The following PCDH15 variants were observed in gnomAD, a reference collection of about 807,000 sequenced individuals.
PCDH15 encodes protocadherin-15.
PCDH15 carries 129 observed loss-of-function variants against 178.5 expected under a neutral mutation model. That is an observed-to-expected ratio of 0.72 (90% confidence interval 0.63 to 0.84). The LOEUF is 0.84. Among genes scored for constraint, PCDH15 ranks in the 40% least tolerant of loss-of-function variants. The pLI is 0.00. For synonymous variants in PCDH15, 800 were observed against 732.0 expected, an observed-to-expected ratio of 1.09 and a Z score of -1.50; for missense variants, 2,230 against 2,099.9, an observed-to-expected ratio of 1.06 and a Z score of -1.21.
At chr10:54,745,198 C>A (rs1374072137) in intron 1 of PCDH15, among the ~76,000 whole-genome samples, 1 of 152,018 alleles carries the variant, frequency 6.6e-6, no homozygotes, top group Non-Finnish European at 1.5e-5. Flanking sequence ...AAATTAAATT[C>A]TTCTTCCAAA....
intron 3 of PCDH15, among the ~76,000 whole-genome samples, chr10:54,436,006 G>A (rs1565269963): frequency 1.5e-4 from 17 of 116,064 alleles, no homozygotes; most frequent in African/African-American, 7.2e-4. Flanking sequence ...GAAAAGAAGA[G>A]GAGAGGAGAG....
rs536353053 is a variant in PCDH15 at position 54,391,893 on chromosome 10, A to T, written c.158-12951T>A. Among the ~76,000 whole-genome samples the T allele has an allele frequency of 2.0e-5, 3 of 152,290 alleles. No individual in the cohort carries two copies. The East Asian group carries it at 5.8e-4, about 30-fold the overall frequency. Reference sequence around the variant, plus strand: ...CTTCTGAATTGGTCTTGTCAAGAGAATCTCAATCAACAATGGGATATAGAT... The same window carrying T: ...CTTCTGAATTGGTCTTGTCAAGAGATTCTCAATCAACAATGGGATATAGAT... On this transcript the variant is annotated intron_variant, in intron 3 of 37. Transcript: ENST00000644397.
chr10:54,458,282 C>T (rs556678041), intron 3 of PCDH15, among the ~76,000 whole-genome samples: 4 of 149,402 alleles, frequency 2.7e-5, no homozygotes, highest in Admixed American at 6.6e-5. Flanking sequence ...TTCACACTAC[C>T]GTAAGAATTA....
At chr10:54,374,731 T>C (rs1333464557) in intron 4 of PCDH15, among the ~76,000 whole-genome samples, 1 of 152,042 alleles carries the variant, frequency 6.6e-6, no homozygotes, top group Non-Finnish European at 1.5e-5. Flanking sequence ...TAAAAATAAA[T>C]GATGACCATA....
chr10:55,265,168 A>C (rs1007395399), intron 1 of PCDH15, among the ~76,000 whole-genome samples: 1 of 152,034 alleles, frequency 6.6e-6, no homozygotes, highest in African/African-American at 2.4e-5. Flanking sequence ...ACAGATGCCC[A>C]GTAAATTTGG....
intron 1 of PCDH15, among the ~76,000 whole-genome samples, chr10:54,717,485 A>T (rs1175438046): frequency 6.8e-6 from 1 of 146,680 alleles, no homozygotes; most frequent in African/African-American, 2.6e-5. Flanking sequence ...GAAGATATTT[A>T]TGCAGCCAAA....
At chr10:54,329,354 A>T (rs1344307809) in intron 7 of PCDH15, among the ~76,000 whole-genome samples, 1 of 151,884 alleles carries the variant, frequency 6.6e-6, no homozygotes, top group Non-Finnish European at 1.5e-5. Flanking sequence ...GTATAGTCTA[A>T]AAAGGTTGGA....
At chr10:54,291,857 G>A (rs577371929) in intron 8 of PCDH15, among the ~76,000 whole-genome samples, 3 of 152,170 alleles carry the variant, frequency 2.0e-5, no homozygotes, top group Admixed American at 6.5e-5. Flanking sequence ...AAGGTCCAGG[G>A]CCAGACGGAT....
chr10:55,501,347 T>C (rs1840652048), intron 2 of PCDH15, among the ~76,000 whole-genome samples: 1 of 151,864 alleles, frequency 6.6e-6, no homozygotes, highest in East Asian at 2.0e-4. Context: ...CCACCGAATT[T>C]ATATTAATTT....
At chr10:54,151,690 G>A (rs532744686) in intron 14 of PCDH15, among the ~76,000 whole-genome samples, 130 of 152,250 alleles carry the variant, frequency 8.5e-4, no homozygotes, top group African/African-American at 3.0e-3. Context: ...AAATGCAAAT[G>A]CAAAATGTTC....
intron 15 of PCDH15, among the ~76,000 whole-genome samples, chr10:54,091,580 G>C (rs2094601222): frequency 3.3e-5 from 5 of 152,138 alleles, no homozygotes; most frequent in Admixed American, 3.3e-4. Flanking sequence ...AAAAACTACA[G>C]AATCAAGGGA....
Position 54,931,335 on chromosome 10 carries a change from A to G in PCDH15, c.-79-33835T>C, listed in dbSNP as rs376264203. On this transcript the variant is annotated intron_variant, in intron 2 of 5. Transcript: ENST00000458638. ...AGTAACGTTTGAAACATCTACTAAA[A>G]CTCAAATATGAAGTTAACCTCTATA... is the stretch of plus-strand genomic sequence containing the variant. 2.3e-4 allele frequency among the ~76,000 whole-genome samples: 35 copies of G among 152,278 alleles called. No homozygotes were observed. In the South Asian group the frequency reaches 6.8e-3, roughly 30 times the overall value.
chr10:55,385,798 T>A (rs957979496), intron 2 of PCDH15, among the ~76,000 whole-genome samples: 2 of 148,414 alleles, frequency 1.3e-5, no homozygotes, highest in African/African-American at 5.0e-5. Context: ...TCTCTGTATA[T>A]AGATATGCAT....
intron 1 of PCDH15, among the ~76,000 whole-genome samples, chr10:54,763,232 C>A (rs756725106): frequency 6.6e-6 from 1 of 152,060 alleles, no homozygotes; most frequent in Non-Finnish European, 1.5e-5. Flanking sequence ...TCCCAGCAAA[C>A]CTTTACAATA....
At chr10:55,169,476 A>T (rs1839275641) in intron 1 of PCDH15, among the ~76,000 whole-genome samples, 1 of 152,190 alleles carries the variant, frequency 6.6e-6, no homozygotes, top group Non-Finnish European at 1.5e-5. Context: ...TAAATGTGCA[A>T]CAGCAGAAAG....
intron 8 of PCDH15, among the ~76,000 whole-genome samples, chr10:54,281,857 T>C (rs953542728): frequency 6.6e-6 from 1 of 152,042 alleles, no homozygotes; most frequent in Non-Finnish European, 1.5e-5. Flanking sequence ...ACTATCAGGC[T>C]GTTAATTTGA....
intron 1 of PCDH15, among the ~76,000 whole-genome samples, chr10:55,248,223 T>C (rs1467745554): frequency 1.3e-5 from 2 of 151,910 alleles, no homozygotes; most frequent in African/African-American, 4.8e-5. Flanking sequence ...CACAAATATG[T>C]ATACATGTAT....
intron 2 of PCDH15, among the ~76,000 whole-genome samples, chr10:55,483,529 T>C (rs1840229771): frequency 6.6e-6 from 1 of 151,744 alleles, no homozygotes; most frequent in African/African-American, 2.4e-5. Context: ...ACATTGTTGG[T>C]GGGAGTGTAA....
intron 2 of PCDH15, among the ~76,000 whole-genome samples, chr10:55,506,600 G>A (rs1265218643): frequency 6.6e-6 from 1 of 151,452 alleles, no homozygotes; most frequent in Non-Finnish European, 1.5e-5. Flanking sequence ...AACTAGAAGA[G>A]GTATCGAGGA....
Sources: allele counts gnomAD v4.1 joint callset (sites outside exome capture counted in the v4.1 genomes callset), GRCh38; gene constraint gnomAD v4.1.1; transcripts MANE v1.5; gene names NCBI Gene and HGNC (gene_info 2026-07-23, HGNC 2026-07-21).